PTPRD: variants seen among roughly 807,000 people sequenced by gnomAD.
PTPRD encodes the protein receptor-type tyrosine-protein phosphatase delta.
PTPRD carries 34 observed loss-of-function variants against 214.5 expected under a neutral mutation model. The ratio of observed to expected loss-of-function variants is 0.16; its 90% CI spans 0.12 to 0.21. PTPRD has a LOEUF of 0.21. Among genes scored for constraint, PTPRD ranks in the 10% least tolerant of loss-of-function variants. The pLI, the probability that PTPRD is intolerant of heterozygous loss-of-function variation, is 1.00. For missense variants in PTPRD, 2,545 were observed against 2,398.7 expected (o/e 1.06, Z -1.27); for synonymous variants, 1,128 against 845.7 (o/e 1.33, Z -5.79).
At chr9:9,913,545 A>C (rs1349347383) in intron 5 of PTPRD, among the ~76,000 whole-genome samples, 1 of 152,144 alleles carries the variant, frequency 6.6e-6, no homozygotes, top group African/African-American at 2.4e-5. Context: ...GTGGAGATGC[A>C]CCAGTAGTGA....
chr9:8,616,220 T>A (rs1056272109), intron 14 of PTPRD, among the ~76,000 whole-genome samples: 15 of 152,026 alleles, frequency 9.9e-5, no homozygotes, highest in African/African-American at 3.4e-4. Flanking sequence ...TCAATTGAAG[T>A]GCAACGGGCC....
chr9:9,554,294 T>A (rs375826214), intron 8 of PTPRD, among the ~76,000 whole-genome samples: 1 of 152,112 alleles, frequency 6.6e-6, no homozygotes, highest in African/African-American at 2.4e-5. Flanking sequence ...TTGAGCATTT[T>A]ATGGGTGAAT....
At chr9:8,670,728 T>C (rs1427359861) in intron 12 of PTPRD, among the ~76,000 whole-genome samples, 5 of 152,154 alleles carry the variant, frequency 3.3e-5, no homozygotes, top group East Asian at 1.9e-4. Flanking sequence ...AGTGCCCCAA[T>C]AGCAAGAAGA....
At chr9:10,576,855 A>G (rs1254336344) in intron 2 of PTPRD, among the ~76,000 whole-genome samples, 2 of 152,186 alleles carry the variant, frequency 1.3e-5, no homozygotes, top group African/African-American at 4.8e-5. Flanking sequence ...CATTGTTAAC[A>G]AGGGTAGATG....
At chr9:9,960,464 G>T (rs1046386431) in intron 4 of PTPRD, among the ~76,000 whole-genome samples, 1 of 152,076 alleles carries the variant, frequency 6.6e-6, no homozygotes, top group Non-Finnish European at 1.5e-5. Flanking sequence ...GTATGGAAAG[G>T]GGGGACAGGA....
chr9:8,364,638 C>T (rs1005205023), intron 39 of PTPRD, among the ~76,000 whole-genome samples: 1 of 146,116 alleles, frequency 6.8e-6, no homozygotes, highest in African/African-American at 2.8e-5. Flanking sequence ...TTTTTAGTGG[C>T]CTGAAGTGGT....
chr9:9,571,853 G>A (rs1477485155), intron 8 of PTPRD, among the ~76,000 whole-genome samples: 1 of 150,924 alleles, frequency 6.6e-6, no homozygotes, highest in Non-Finnish European at 1.5e-5. Context: ...CATATACAGA[G>A]CAATTACAAT....
chr9:9,934,868 C>G (rs556524291), intron 5 of PTPRD, among the ~76,000 whole-genome samples: 1 of 152,040 alleles, frequency 6.6e-6, no homozygotes, highest in Non-Finnish European at 1.5e-5. Context: ...CATCAAAAAG[C>G]TTATCAACCA....
chr9:10,057,060 A>T (rs2097665564), intron 3 of PTPRD, among the ~76,000 whole-genome samples: 2 of 152,194 alleles, frequency 1.3e-5, no homozygotes, highest in Non-Finnish European at 2.9e-5. Flanking sequence ...ATTGCAAGTC[A>T]GCAAAGCTGG....
At chr9:9,612,197 T>C (rs762367046) in intron 7 of PTPRD, among the ~76,000 whole-genome samples, 3 of 152,130 alleles carry the variant, frequency 2.0e-5, no homozygotes, top group Admixed American at 6.6e-5. Context: ...AGATGTTTCA[T>C]TATACCTATC....
chr9:8,346,207 A>C (rs1274091612), intron 39 of PTPRD, among the ~76,000 whole-genome samples: 3 of 152,076 alleles, frequency 2.0e-5, no homozygotes, highest in African/African-American at 7.2e-5. Flanking sequence ...TATGTATTCA[A>C]ACTCCACGAT....
chr9:8,666,390 C>A (rs1366677931), intron 12 of PTPRD, among the ~76,000 whole-genome samples: 3 of 151,858 alleles, frequency 2.0e-5, no homozygotes, highest in African/African-American at 7.3e-5. Context: ...TGTTATTTTC[C>A]TGGGATAATC....
intron 5 of PTPRD, among the ~76,000 whole-genome samples, chr9:9,875,098 T>C (rs10978052): frequency 0.018 from 2,683 of 152,244 alleles, 32 homozygotes; most frequent in Middle Eastern, 0.075. Flanking sequence ...TTTATTGTAA[T>C]TCTTAAATAT....
At chr9:8,533,109 C>T (rs10758981) in intron 14 of PTPRD, among the ~76,000 whole-genome samples, 41,614 of 151,906 alleles carry the variant, frequency 0.27, 5,888 homozygotes, top group African/African-American at 0.34. Context: ...ACTGTTTTCA[C>T]TGTTCATGCA....
At chr9:9,980,677 A>T (rs2095515362) in intron 4 of PTPRD, among the ~76,000 whole-genome samples, 1 of 138,610 alleles carries the variant, frequency 7.2e-6, no homozygotes, top group South Asian at 2.4e-4. Flanking sequence ...TTAGGAAAAA[A>T]AAGTCTCTGA....
chr9:8,791,085 T>C (rs2096211248), intron 11 of PTPRD, among the ~76,000 whole-genome samples: 1 of 152,100 alleles, frequency 6.6e-6, no homozygotes, highest in Non-Finnish European at 1.5e-5. Context: ...CTGGCTTCTA[T>C]GGAGAGAGTG....
chr9:10,243,261 T>C (rs1052123330), intron 3 of PTPRD, among the ~76,000 whole-genome samples: 2 of 152,050 alleles, frequency 1.3e-5, no homozygotes, highest in African/African-American at 4.8e-5. Context: ...CCCACATTTA[T>C]ATGCTATCTT....
chr9:9,107,551 T>C (rs1198825061), intron 10 of PTPRD, among the ~76,000 whole-genome samples: 1 of 152,090 alleles, frequency 6.6e-6, no homozygotes, highest in African/African-American at 2.4e-5. Flanking sequence ...GTGGCAGGAG[T>C]CTGTGTGTGC....
chr9:10,044,324 A>T (rs1038399047), intron 3 of PTPRD, among the ~76,000 whole-genome samples: 1 of 151,824 alleles, frequency 6.6e-6, no homozygotes, highest in Non-Finnish European at 1.5e-5. Flanking sequence ...TTATGCTACT[A>T]AATTTTTCTT....
Sources: allele counts gnomAD v4.1 joint callset (sites outside exome capture counted in the v4.1 genomes callset), GRCh38; gene constraint gnomAD v4.1.1; transcripts MANE v1.5; gene names NCBI Gene and HGNC (gene_info 2026-07-23, HGNC 2026-07-21).